The following RASSF2 variants were observed in gnomAD, a reference collection of about 807,000 sequenced individuals.
RASSF2 encodes Ras association domain family member 2.
RASSF2 carries 34 observed loss-of-function variants against 46.3 expected under a neutral mutation model. The observed-to-expected ratio is 0.73, with a 90% CI of 0.56 to 0.98. The LOEUF (loss-of-function observed/expected upper bound fraction) is 0.98. RASSF2 is among the 50% of genes least tolerant of loss of function. RASSF2 has a pLI of 0.00. For synonymous variants in RASSF2, 158 were observed against 162.5 expected, an observed-to-expected ratio of 0.97 and a Z score of 0.21; for missense variants, 364 against 431.2, an observed-to-expected ratio of 0.84 and a Z score of 1.38.
At chr20:4,786,400 T>C in intron 10 of RASSF2, 72 bp from the exon 11 acceptor site, 2 of 1,266,408 alleles carry the variant, frequency 1.6e-6, no homozygotes, top group Admixed American at 1.7e-5. Flanking sequence ...GGGTTGTCCT[T>C]ATACAAGGCA....
At chr20:4,810,675 G>A (rs1927713815) in intron 2 of RASSF2, among the ~76,000 whole-genome samples, 1 of 152,212 alleles carries the variant, frequency 6.6e-6, no homozygotes. Context: ...GCTGCCTTTG[G>A]TGGTCACTTT....
Position 4,790,652 on chromosome 20 carries a change from TG to T in RASSF2, c.377-42del. 2 of 1,487,744 alleles carry T rather than the reference TG, an allele frequency of 1.3e-6. No individual in the cohort carries two copies. Among genetic ancestry groups the T allele is most frequent in the Non-Finnish European group, 1.8e-6 (2 of 1,126,072 alleles). 92.2% of individuals were successfully genotyped at this position (1,487,744 alleles called of 1,614,324 possible). On this transcript the variant is annotated intron_variant, in intron 6 of 11. Coordinates refer to ENST00000379400, the MANE Select transcript of RASSF2 (RefSeq NM_014737.3). This position sits in a 1 kb window ranked among gnomAD's most constrained non-coding sequence, Gnocchi z 4.3. ...GAAATGAACTCTGTCTGTCTGGACC[TG>T]GGACATGGCACATGGTCCCCAATTT...
At chr20:4,788,106 T>C (rs1412483073) in intron 9 of RASSF2, 111 bp downstream of exon 9, 6 of 1,097,018 alleles carry the variant, frequency 5.5e-6, no homozygotes, top group Middle Eastern at 2.1e-4. Flanking sequence ...CAAACAACAT[T>C]TGGAAGTTTC....
intron 3 of RASSF2, among the ~76,000 whole-genome samples, chr20:4,799,202 C>T (rs1005076345): frequency 3.3e-5 from 5 of 152,318 alleles, no homozygotes; most frequent in African/African-American, 1.2e-4. Flanking sequence ...AACTCCCCCT[C>T]TGAAGCCCAG....
rs1246313661 is a variant in RASSF2 at position 4,795,761 on chromosome 20, C to T, written c.287+54G>A. The T allele has an allele frequency of 6.4e-7, 1 of 1,560,396 alleles. No homozygotes were observed. The highest frequency in any genetic ancestry group is 2.4e-5 in the East Asian group (1 of 41,272). The stretch of plus-strand genomic sequence containing the variant: ...GGCAGCATTTATCTGCTTGAGAACA[C>T]ATAGAACACCCAAGCATCCCAGTCA... On this transcript the variant is annotated intron_variant, in intron 5 of 11. Coordinates refer to ENST00000379400, the MANE Select transcript of RASSF2 (RefSeq NM_014737.3). The surrounding 1 kb of genome is among the most constrained non-coding windows in gnomAD (Gnocchi z 4.0).
rs1427186916 is a variant in RASSF2, at chr20:4,812,563, C to A, written c.-33+9766G>T. Among the ~76,000 whole-genome samples the A allele has an allele frequency of 6.6e-6, 1 of 152,172 alleles. No individual in the cohort carries two copies. Among genetic ancestry groups the A allele is most frequent in the Admixed American group, 6.5e-5 (1 of 15,286 alleles). ...ACTTGAGTGTGTATTGGAATCTCTC[C>A]GAGGGCTCGTTAAAATACAGATTGC... On this transcript the variant is annotated intron_variant, in intron 2 of 11. Coordinates refer to ENST00000379400, the MANE Select transcript of RASSF2 (RefSeq NM_014737.3). The surrounding 1 kb of genome is among the most constrained non-coding windows in gnomAD (Gnocchi z 4.0).
intron 5 of RASSF2, 65 bp from the exon 6 acceptor site, chr20:4,792,692 G>A (rs1998291): frequency 0.4 from 620,688 of 1,554,642 alleles, 124,809 homozygotes; most frequent in Admixed American, 0.48. Context: ...AGACGCCCCC[G>A]CACCCGCTGG....
chr20:4,821,833 T>C (rs1928709678), intron 2 of RASSF2, among the ~76,000 whole-genome samples: 1 of 34,398 alleles, frequency 2.9e-5, no homozygotes, highest in African/African-American at 2.2e-4. Context: ...CCTGCTGGAC[T>C]GCCACAGCCT....
At chr20:4,801,748 T>C (rs1210024643) in intron 2 of RASSF2, among the ~76,000 whole-genome samples, 1 of 152,196 alleles carries the variant, frequency 6.6e-6, no homozygotes, top group Non-Finnish European at 1.5e-5. Flanking sequence ...TGTTTTGTTT[T>C]GTTTTTTGAG....
At chr20:4,797,969 C>A in intron 4 of RASSF2, 41 bp downstream of exon 4, 2 of 1,611,784 alleles carry the variant, frequency 1.2e-6, no homozygotes, top group South Asian at 2.2e-5. Context: ...GGTGACAAGC[C>A]CTGGACTAGC....
chr20:4,813,972 A>ACATT (rs1928068531), intron 2 of RASSF2, among the ~76,000 whole-genome samples: 1 of 152,150 alleles, frequency 6.6e-6, no homozygotes, highest in Non-Finnish European at 1.5e-5. Context: ...ACCAAGTGAG[A>ACATT]CATTCCATGT....
chr20:4,810,401 G>A (rs1364179500), intron 2 of RASSF2, among the ~76,000 whole-genome samples: 1 of 152,194 alleles, frequency 6.6e-6, no homozygotes, highest in Non-Finnish European at 1.5e-5. Context: ...CTAGGAGGAG[G>A]GAAAGGCGTC....
intron 2 of RASSF2, among the ~76,000 whole-genome samples, chr20:4,817,410 C>T (rs768476770): frequency 3.9e-5 from 6 of 152,152 alleles, no homozygotes; most frequent in Non-Finnish European, 7.4e-5. Flanking sequence ...AGTAAAATTA[C>T]ACCAAGATGA....
At chr20:4,792,686 G>C (rs55990291) in intron 5 of RASSF2, 59 bp from the exon 6 acceptor site, 210,520 of 1,571,832 alleles carry the variant, frequency 0.13, 15,132 homozygotes, top group East Asian at 0.18. Context: ...GTGGAGAGAC[G>C]CCCCCGCACC....
chr20:4,789,455 T>C, intron 8 of RASSF2, 141 bp downstream of exon 8: 1 of 650,800 alleles, frequency 1.5e-6, no homozygotes, highest in Non-Finnish European at 2.7e-6. Context: ...TTGTCCTGGA[T>C]CGTGAGGATC....
At chr20:4,784,415 T>G in intron 11 of RASSF2, 73 bp from the exon 12 acceptor site, 1 of 1,430,038 alleles carries the variant, frequency 7.0e-7, no homozygotes, top group African/African-American at 1.4e-5. Context: ...CCCGGCCACC[T>G]GGGTAACACC....
chr20:4,801,085 G>C (rs1033745626), intron 2 of RASSF2, 23 bp from the exon 3 acceptor site: 2 of 1,589,488 alleles, frequency 1.3e-6, no homozygotes, highest in African/African-American at 1.3e-5. Context: ...GGAGAAGACA[G>C]AGGTTAAAGT....
rs1037600793 is a variant in RASSF2, at chr20:4,784,205, C to T, written c.*68G>A. On this transcript the variant is annotated 3_prime_UTR_variant, in exon 12 of 12. Transcript: ENST00000379400. The stretch of plus-strand genomic sequence containing the variant: ...AAATGTTTCCATGGAAAGAAAGTGC[C>T]TAGCTTCCTGGGGGTCTTATGGGCA... 12 of 1,479,316 alleles carry T rather than the reference C, an allele frequency of 8.1e-6. No homozygotes were observed. The highest frequency in any genetic ancestry group is 1.0e-5 in the Non-Finnish European group (11 of 1,057,762). 91.6% of individuals were successfully genotyped at this position (1,479,316 alleles called of 1,614,324 possible).
chr20:4,798,662 CAAAAAT>C (rs1926585740), intron 3 of RASSF2, among the ~76,000 whole-genome samples: 1 of 151,260 alleles, frequency 6.6e-6, no homozygotes. Context: ...CCATCTCTAA[CAAAAAT>C]ACAAAAAATT....
Sources: gnomAD v4.1 joint callset for allele counts (sites outside exome capture counted in the v4.1 genomes callset) on GRCh38, gnomAD v4.1.1 for gene constraint, Gnocchi (gnomAD v3.1) non-coding constraint, MANE v1.5 for transcripts, NCBI Gene and HGNC (gene_info 2026-07-23, HGNC 2026-07-21) for gene names.